AP1M1: variants seen among roughly 807,000 people sequenced by gnomAD.
AP1M1 encodes the protein AP-1 complex subunit mu-1.
Under a neutral mutation model 57.1 loss-of-function variants are expected in AP1M1, and 18 were observed. The ratio of observed to expected loss-of-function variants is 0.32; its 90% CI spans 0.22 to 0.47. AP1M1 has a LOEUF of 0.47. AP1M1 is among the 20% of genes least tolerant of loss of function. AP1M1 has a pLI of 1.00. For synonymous variants in AP1M1, 241 were observed against 237.9 expected, an observed-to-expected ratio of 1.01 and a Z score of -0.12; for missense variants, 362 against 593.5, an observed-to-expected ratio of 0.61 and a Z score of 4.05.
intron 5 of AP1M1, among the ~76,000 whole-genome samples, chr19:16,220,491 A>G (rs964438708): frequency 6.6e-6 from 1 of 152,114 alleles, no homozygotes; most frequent in Non-Finnish European, 1.5e-5. Flanking sequence ...CCCAGGTTCA[A>G]GCGATTCTCC....
In AP1M1 at chr19:16,235,271, C is replaced by A. The variant is rs576722310; in HGVS notation, c.*836C>A. The stretch of plus-strand genomic sequence containing the variant: ...CGGGGCCACGTGTCACCCACGTCTG[C>A]GCTTGGTCACCCGTCCTCCCCACCC... On this transcript the variant is annotated 3_prime_UTR_variant, in exon 12 of 12. Transcript: ENST00000291439. The A allele has an allele frequency of 3.9e-5, 6 of 152,292 alleles. No individual in the cohort carries two copies. The highest frequency in any genetic ancestry group is 1.4e-4 in the African/African-American group (6 of 41,456). 9.4% of individuals were successfully genotyped at this position (152,292 alleles called of 1,614,324 possible). A position where few individuals can be genotyped will look rare whatever the true frequency, so the allele number is the denominator to read the frequency against.
intron 5 of AP1M1, among the ~76,000 whole-genome samples, chr19:16,217,365 A>T (rs1429561227): frequency 1.3e-5 from 2 of 152,160 alleles, no homozygotes; most frequent in Non-Finnish European, 2.9e-5. Flanking sequence ...ACACACAGGC[A>T]TGCTGTTGGG....
Position 16,233,537 on chromosome 19 carries a change from T to C in AP1M1, c.1092T>C (p.Ser364=). ...TGCGGGCCCACTTCGGCCTGCCTAG[T>C]GTGGAGGCCGAAGACAAGGAGGGCA... ...YLMRAHFGLP[S]VEAEDKEGKP... The change falls in exon 10 of 12, where the codon AGT becomes AGC. Residue 364 remains serine, a synonymous_variant. Coordinates refer to ENST00000291439, the MANE Select transcript of AP1M1 (RefSeq NM_032493.4). 6.2e-7 allele frequency: 1 copy of C among 1,607,282 alleles called. No individual in the cohort carries two copies. Among genetic ancestry groups the C allele is most frequent in the Non-Finnish European group, 8.5e-7 (1 of 1,177,334 alleles).
At chr19:16,226,375 C>A in intron 5 of AP1M1, 46 bp from the exon 6 acceptor site, 1 of 1,504,746 alleles carries the variant, frequency 6.6e-7, no homozygotes. Flanking sequence ...GAGGCAGTGG[C>A]TGGTGAGTTG....
chr19:16,234,141 G>T, intron 10 of AP1M1, 58 bp from the exon 11 acceptor site: 2 of 1,538,808 alleles, frequency 1.3e-6, no homozygotes, highest in South Asian at 1.2e-5. Flanking sequence ...GAAAGATTAA[G>T]GGGGGACCAA....
At chr19:16,217,906 T>A (rs531174033) in intron 5 of AP1M1, among the ~76,000 whole-genome samples, 1 of 152,110 alleles carries the variant, frequency 6.6e-6, no homozygotes, top group Non-Finnish European at 1.5e-5. Flanking sequence ...CCAGACCAAA[T>A]TGAGGCTAGC....
chr19:16,226,766 C>T (rs770709078), intron 6 of AP1M1: 58 of 577,438 alleles, frequency 1.0e-4, no homozygotes, highest in Non-Finnish European at 1.6e-4. Context: ...AGCTGGGAGG[C>T]CCCCGTCACC....
chr19:16,207,972 CTCAATGA>C lies in AP1M1; in HGVS notation c.268-44_268-38del. ...CGTTCATTCATTCCTCATCCGTCCG[CTCAATGA>C]TCTGCCTCCCATTCCTCCCTCCCTC... On this transcript the variant is annotated intron_variant, in intron 3 of 11. Coordinates refer to ENST00000291439, the MANE Select transcript of AP1M1 (RefSeq NM_032493.4). The surrounding 1 kb of genome is among the most constrained non-coding windows in gnomAD (Gnocchi z 4.2). 6.3e-7 allele frequency: 1 copy of C among 1,586,900 alleles called. No individual in the cohort carries two copies. The highest frequency in any genetic ancestry group is 1.2e-5 in the South Asian group (1 of 86,756).
intron 5 of AP1M1, among the ~76,000 whole-genome samples, chr19:16,220,292 T>A (rs946864743): frequency 1.3e-5 from 2 of 152,030 alleles, no homozygotes; most frequent in Admixed American, 6.6e-5. Context: ...ACACTTTGAC[T>A]CCAGTGATCA....
rs2091458283 is a variant in AP1M1, at chr19:16,203,662, TG to T, written c.199+49del. On this transcript the variant is annotated intron_variant, in intron 2 of 11. Coordinates refer to ENST00000291439, the MANE Select transcript of AP1M1 (RefSeq NM_032493.4). The surrounding 1 kb of genome is among the most constrained non-coding windows in gnomAD (Gnocchi z 4.6). ...TCCCAGGGGACTCCTGTGTGGGTGT[TG>T]GTGTGTGTGCATATCCACACGCCTG... 1 of 1,555,652 alleles carries T rather than the reference TG, an allele frequency of 6.4e-7. No individual in the cohort carries two copies. Among genetic ancestry groups the T allele is most frequent in the Admixed American group, 1.8e-5 (1 of 54,446 alleles).
chr19:16,226,337 G>A lies in AP1M1; in HGVS notation c.547-84G>A, dbSNP rs961443318. ...AGGTGAGAAGGGCGTTGAGAGTGGG[G>A]TGGCCAGAGGGTCACATGATGTGGT... On this transcript the variant is annotated intron_variant, in intron 5 of 11. Transcript: ENST00000291439. 4 of 1,468,978 alleles carry A rather than the reference G, an allele frequency of 2.7e-6. No individual in the cohort carries two copies. In the African/African-American group the frequency reaches 4.2e-5, roughly 15 times the overall value. The allele number at this position is 1,468,978 out of a possible 1,614,324, so 91.0% of individuals were successfully genotyped here.
In AP1M1 at chr19:16,227,450, G is replaced by C; in HGVS notation, c.674-98G>C. The C allele has an allele frequency of 1.4e-6, 2 of 1,410,338 alleles. No homozygotes were observed. Among genetic ancestry groups the C allele is most frequent in the African/African-American group, 1.4e-5 (1 of 70,684 alleles). The allele number at this position is 1,410,338 out of a possible 1,614,324, so 87.4% of individuals were successfully genotyped here. A position where few individuals can be genotyped will look rare whatever the true frequency, so the allele number is the denominator to read the frequency against. ...GGCTGCTCTCAGTGCGTGGACTGGG[G>C]GCCCTGCTCTGCCGGGGTGGGTTGC... On this transcript the variant is annotated intron_variant, in intron 6 of 11. Transcript: ENST00000291439. The surrounding 1 kb of genome is among the most constrained non-coding windows in gnomAD (Gnocchi z 6.2).
At position 16,227,419 on chromosome 19, in the gene AP1M1, G is replaced by A; in HGVS notation, c.674-129G>A. On this transcript the variant is annotated intron_variant, in intron 6 of 11. Transcript: ENST00000291439. This position sits in a 1 kb window ranked among gnomAD's most constrained non-coding sequence, Gnocchi z 6.2. ...GGGACCCAGCCCCCTTGGTGTTTGT[G>A]GCCCAGGCTGCTCTCAGTGCGTGGA... The A allele has an allele frequency of 9.4e-7, 1 of 1,061,646 alleles. No individual in the cohort carries two copies. Among genetic ancestry groups the A allele is most frequent in the Non-Finnish European group, 1.4e-6 (1 of 720,406 alleles). 65.8% of individuals were successfully genotyped at this position (1,061,646 alleles called of 1,614,324 possible).
At chr19:16,216,730 A>C (rs1235330342) in intron 5 of AP1M1, among the ~76,000 whole-genome samples, 1 of 152,196 alleles carries the variant, frequency 6.6e-6, no homozygotes, top group African/African-American at 2.4e-5. Context: ...CCTGAACTGC[A>C]TGCTCTAACT....
chr19:16,233,639 C>T (rs758784327), intron 10 of AP1M1, 21 bp downstream of exon 10: 21 of 1,603,876 alleles, frequency 1.3e-5, no homozygotes, highest in Non-Finnish European at 1.7e-5. Context: ...CCCAGGCGGC[C>T]GGGGCCCAGA....
intron 9 of AP1M1, among the ~76,000 whole-genome samples, chr19:16,232,902 G>T (rs918566210): frequency 2.6e-5 from 4 of 152,164 alleles, no homozygotes; most frequent in Admixed American, 2.0e-4. Context: ...CCAGGACTCG[G>T]GTTCCAGTCA....
chr19:16,231,332 C>T lies in AP1M1; in HGVS notation c.1048-2161C>T, dbSNP rs111719316. On this transcript the variant is annotated intron_variant, in intron 9 of 11. Transcript: ENST00000291439. ...AAAACACAGAGAGAGATTAGAAATACAGATTAGATAGATAGATAGATATCC... is the reference window on the plus strand; with the variant it reads ...AAAACACAGAGAGAGATTAGAAATATAGATTAGATAGATAGATAGATATCC... 3.5e-3 allele frequency among the ~76,000 whole-genome samples: 498 copies of T among 142,224 alleles called. 2 individuals carry two copies. The highest frequency in any genetic ancestry group is 0.013 in the African/African-American group (480 of 38,158). The allele number at this position is 142,224 out of a possible 152,430, so 93.3% of individuals were successfully genotyped here.
rs941789728 is a variant in AP1M1 at position 16,228,117 on chromosome 19, C to T, written c.817-20C>T. ...TCAAACAAGGCCAGGTGTGAGCACCCTCTTTGCCCTCCTTGGCAGGTCAAG... is the reference window on the plus strand; with the variant it reads ...TCAAACAAGGCCAGGTGTGAGCACCTTCTTTGCCCTCCTTGGCAGGTCAAG... On this transcript the variant is annotated intron_variant, in intron 7 of 11. Transcript: ENST00000291439. The surrounding 1 kb of genome is among the most constrained non-coding windows in gnomAD (Gnocchi z 5.0). 15 of 1,613,228 alleles carry T rather than the reference C, an allele frequency of 9.3e-6. No homozygotes were observed. The highest frequency in any genetic ancestry group is 1.3e-5 in the Non-Finnish European group (15 of 1,179,838).
At chr19:16,209,678 G>A (rs561137576) in intron 5 of AP1M1, among the ~76,000 whole-genome samples, 27 of 151,698 alleles carry the variant, frequency 1.8e-4, no homozygotes, top group Admixed American at 4.6e-4. Flanking sequence ...TTTATTCACC[G>A]TCACCCTCTC....
Sources: allele counts gnomAD v4.1 joint callset (sites outside exome capture counted in the v4.1 genomes callset), GRCh38; gene constraint gnomAD v4.1.1; non-coding constraint Gnocchi (gnomAD v3.1); transcripts MANE v1.5; gene names NCBI Gene and HGNC (gene_info 2026-07-23, HGNC 2026-07-21).